PALM2AKAP2: variants seen among roughly 807,000 people sequenced by gnomAD.
The protein encoded by PALM2AKAP2 is PALM2-AKAP2 fusion protein.
In PALM2AKAP2, 37 loss-of-function variants were observed where a neutral mutation model predicts 71.5. The ratio of observed to expected loss-of-function variants is 0.52; its 90% CI spans 0.40 to 0.68. The LOEUF (loss-of-function observed/expected upper bound fraction) is 0.68. PALM2AKAP2 is among the 30% of genes least tolerant of loss of function. The pLI is 0.00. For synonymous variants in PALM2AKAP2, 468 were observed against 478.8 expected (o/e 0.98, Z 0.29); for missense variants, 1,224 against 1,191.8 (o/e 1.03, Z -0.40).
intron 6 of PALM2AKAP2, among the ~76,000 whole-genome samples, chr9:110,008,578 G>C (rs962683143): frequency 6.6e-6 from 1 of 152,138 alleles, no homozygotes. Flanking sequence ...GGACTTGGAG[G>C]TTGATGGGGA....
At chr9:109,903,760 C>T (rs1237856970) in intron 3 of PALM2AKAP2, among the ~76,000 whole-genome samples, 1 of 152,096 alleles carries the variant, frequency 6.6e-6, no homozygotes, top group Non-Finnish European at 1.5e-5. Context: ...ATAAGCCGCT[C>T]CCACATAGCG....
chr9:110,063,607 T>C (rs1231791126), intron 1 of PALM2AKAP2, among the ~76,000 whole-genome samples: 3 of 101,712 alleles, frequency 2.9e-5, no homozygotes, highest in Non-Finnish European at 6.8e-5. Flanking sequence ...GCCCAGCTAA[T>C]TTTTTTTTGT....
intron 1 of PALM2AKAP2, among the ~76,000 whole-genome samples, chr9:109,851,992 A>G (rs1014008097): frequency 6.6e-6 from 1 of 152,208 alleles, no homozygotes; most frequent in Non-Finnish European, 1.5e-5. Context: ...ACTGAAGTCA[A>G]GACTTAATCC....
intron 6 of PALM2AKAP2, among the ~76,000 whole-genome samples, chr9:109,980,127 C>T (rs980310383): frequency 6.6e-6 from 1 of 152,170 alleles, no homozygotes; most frequent in African/African-American, 2.4e-5. Flanking sequence ...GCCACTCCAC[C>T]ATCACTCTTC....
chr9:109,867,285 T>C, intron 1 of PALM2AKAP2: 1 of 513,922 alleles, frequency 1.9e-6, no homozygotes, highest in South Asian at 1.8e-5. Context: ...TTTCTCCCAC[T>C]CTTCGAGCCT....
chr9:110,045,820 G>C (rs538206084), upstream of PALM2AKAP2, among the ~76,000 whole-genome samples: 3 of 151,906 alleles, frequency 2.0e-5, no homozygotes, highest in African/African-American at 7.3e-5. Flanking sequence ...CACCCACCTC[G>C]GACTCCCAAA....
chr9:109,824,329 T>C (rs1828086530), intron 1 of PALM2AKAP2, among the ~76,000 whole-genome samples: 1 of 152,150 alleles, frequency 6.6e-6, no homozygotes, highest in African/African-American at 2.4e-5. Flanking sequence ...ACCATAACAG[T>C]TTCTGAAATT....
chr9:109,782,856 T>C (rs1236686842), intron 1 of PALM2AKAP2, among the ~76,000 whole-genome samples: 1 of 151,548 alleles, frequency 6.6e-6, no homozygotes, highest in Admixed American at 6.6e-5. Flanking sequence ...CGGTAAATGG[T>C]TTTATGCTAT....
intron 1 of PALM2AKAP2, among the ~76,000 whole-genome samples, chr9:109,728,274 T>G (rs1828504798): frequency 1.3e-5 from 2 of 152,250 alleles, no homozygotes; most frequent in African/African-American, 4.8e-5. Context: ...ATATGCATTA[T>G]AGCATTCCCA....
chr9:109,687,278 A>G (rs1403040024), intron 1 of PALM2AKAP2, among the ~76,000 whole-genome samples: 1 of 152,208 alleles, frequency 6.6e-6, no homozygotes, highest in Non-Finnish European at 1.5e-5. Flanking sequence ...GAAGTCATGC[A>G]TTGACTTCTC....
chr9:109,839,555 GAAAT>G (rs968846788), intron 1 of PALM2AKAP2, among the ~76,000 whole-genome samples: 3 of 152,154 alleles, frequency 2.0e-5, no homozygotes, highest in African/African-American at 7.2e-5. Context: ...GCAGGAGAAA[GAAAT>G]AAAGGGTATT....
chr9:109,660,659 G>C (rs796739666), intron 1 of PALM2AKAP2, among the ~76,000 whole-genome samples: 4 of 152,182 alleles, frequency 2.6e-5, no homozygotes, highest in African/African-American at 9.6e-5. Context: ...ATAAATATAC[G>C]TGTGCATGTG....
intron 6 of PALM2AKAP2, among the ~76,000 whole-genome samples, chr9:109,972,042 A>G (rs1832078690): frequency 6.6e-6 from 1 of 152,218 alleles, no homozygotes; most frequent in Non-Finnish European, 1.5e-5. Context: ...ACTCCTGTTC[A>G]GAAGACCTTG....
intron 1 of PALM2AKAP2, among the ~76,000 whole-genome samples, chr9:109,682,903 A>C (rs771113528): frequency 6.6e-6 from 1 of 152,192 alleles, no homozygotes; most frequent in Admixed American, 6.6e-5. Context: ...ATTTGGAAAA[A>C]GAGTCTTCGC....
intron 1 of PALM2AKAP2, among the ~76,000 whole-genome samples, chr9:109,673,608 A>G (rs72750853): frequency 0.09 from 13,614 of 152,090 alleles, 730 homozygotes; most frequent in South Asian, 0.19. Context: ...GATGTCTGTC[A>G]TTTCCATTTA....
In PALM2AKAP2 at chr9:109,812,515, G is replaced by A. The variant is rs184844903; in HGVS notation, c.45+31982G>A. ...GCGGCACAATTTGGGAAAGGAAGGG[G>A]CAGAAGAAGCAAGGCGCGGCTGATG... On this transcript the variant is annotated intron_variant, in intron 1 of 9. Coordinates refer to the PALM2AKAP2 transcript ENST00000302798. Among the ~76,000 whole-genome samples the A allele has an allele frequency of 4.0e-3, 608 of 152,302 alleles. 14 individuals are homozygous for A. The highest frequency in any genetic ancestry group is 6.9e-4 in the Non-Finnish European group (47 of 68,022).
intron 1 of PALM2AKAP2, among the ~76,000 whole-genome samples, chr9:109,830,259 A>G (rs976682612): frequency 4.6e-5 from 7 of 152,332 alleles, no homozygotes; most frequent in Admixed American, 3.3e-4. Flanking sequence ...TTTTTACTTT[A>G]TGCATTGACT....
chr9:109,827,454 C>T lies in PALM2AKAP2; in HGVS notation c.46-40037C>T, dbSNP rs551301170. Among the ~76,000 whole-genome samples the T allele has an allele frequency of 3.3e-5, 5 of 152,046 alleles. No homozygotes were observed. In the South Asian group the frequency reaches 6.2e-4, roughly 19 times the overall value. On this transcript the variant is annotated intron_variant, in intron 1 of 9. Transcript: ENST00000302798. The stretch of plus-strand genomic sequence containing the variant: ...TGAAACCCCTTCCCTACTCAAAATA[C>T]AAAAATTAGCCAGGCATGGTGGGGT...
At chr9:109,995,570 A>G (rs2132254541) in intron 6 of PALM2AKAP2, among the ~76,000 whole-genome samples, 1 of 152,340 alleles carries the variant, frequency 6.6e-6, no homozygotes, top group African/African-American at 2.4e-5. Context: ...GAGCAAAGTC[A>G]CATCTTACAT....
Sources: allele counts gnomAD v4.1 joint callset (sites outside exome capture counted in the v4.1 genomes callset), GRCh38; gene constraint gnomAD v4.1.1; transcripts MANE v1.5; gene names NCBI Gene and HGNC (gene_info 2026-07-23, HGNC 2026-07-21).